SH3KBP1: variants seen among roughly 807,000 people sequenced by gnomAD.
SH3KBP1 encodes SH3 domain-containing kinase-binding protein 1.
SH3KBP1 carries 8 observed loss-of-function variants against 50.1 expected under a neutral mutation model. The observed-to-expected ratio is 0.16, with a 90% confidence interval of 0.09 to 0.29. SH3KBP1 has a LOEUF of 0.29. Ranked by LOEUF, SH3KBP1 falls within the 10% of genes least tolerant of loss-of-function variation. SH3KBP1 has a pLI of 1.00. For missense variants in SH3KBP1, 377 were observed against 535.2 expected, an observed-to-expected ratio of 0.70 and a Z score of 2.92; for synonymous variants, 227 against 218.6, an observed-to-expected ratio of 1.04 and a Z score of -0.34.
chrX:19,648,471 G>C (rs1213737048), intron 6 of SH3KBP1, among the ~76,000 whole-genome samples: 3 of 107,342 alleles, frequency 2.8e-5, no homozygotes, highest in Non-Finnish European at 5.8e-5. Flanking sequence ...AAGGAGGGAG[G>C]GAAGGAAGGA....
At chrX:19,730,208 T>TA (rs1327409129) in intron 3 of SH3KBP1, among the ~76,000 whole-genome samples, 2 of 110,956 alleles carry the variant, frequency 1.8e-5, no homozygotes, top group Non-Finnish European at 3.8e-5. Flanking sequence ...AAACAATATT[T>TA]AAAAAAAATA....
intron 2 of SH3KBP1, among the ~76,000 whole-genome samples, chrX:19,793,313 A>AAAAAATATAT (rs1418807395): frequency 9.3e-5 from 9 of 96,985 alleles, no homozygotes; most frequent in African/African-American, 3.5e-4. Context: ...AGGAAAAAAA[A>AAAAAATATAT]ATATATATAT....
chrX:19,748,108 G>A (rs755745796), intron 2 of SH3KBP1, among the ~76,000 whole-genome samples: 16 of 112,151 alleles, frequency 1.4e-4, no homozygotes, highest in African/African-American at 4.9e-4. Flanking sequence ...GCTTCTTTGG[G>A]GGAAGAACAG....
chrX:19,799,953 G>C (rs1377548357), intron 2 of SH3KBP1, among the ~76,000 whole-genome samples: 1 of 111,788 alleles, frequency 8.9e-6, no homozygotes, highest in African/African-American at 3.3e-5. Flanking sequence ...GTATGACTGA[G>C]GAGGAGGAAG....
At chrX:19,789,725 G>T (rs890941975) in intron 2 of SH3KBP1, among the ~76,000 whole-genome samples, 2 of 108,667 alleles carry the variant, frequency 1.8e-5, no homozygotes, top group African/African-American at 6.7e-5. Context: ...GGTACAGGGG[G>T]GTTAGGGACA....
intron 1 of SH3KBP1, among the ~76,000 whole-genome samples, chrX:19,884,327 T>C (rs756044087): frequency 1.8e-5 from 2 of 112,422 alleles, no homozygotes; most frequent in Non-Finnish European, 3.8e-5. Flanking sequence ...TCAACAAACA[T>C]TGGATGGATG....
chrX:19,629,648 G>A (rs2061532718), intron 8 of SH3KBP1, among the ~76,000 whole-genome samples: 1 of 111,868 alleles, frequency 8.9e-6, no homozygotes, highest in South Asian at 3.7e-4. Flanking sequence ...AAGGCTTGTG[G>A]GTGGGAGCAG....
At chrX:19,863,221 A>G (rs1356057396) in intron 1 of SH3KBP1, among the ~76,000 whole-genome samples, 6 of 111,321 alleles carry the variant, frequency 5.4e-5, no homozygotes, top group Non-Finnish European at 1.1e-4. Context: ...TTAAAGAGAC[A>G]GGGTCTTGCT....
At chrX:19,590,566 G>A (rs2066712517) in intron 11 of SH3KBP1, among the ~76,000 whole-genome samples, 1 of 110,734 alleles carries the variant, frequency 9.0e-6, no homozygotes, top group African/African-American at 3.3e-5. Context: ...TCCCCATCAC[G>A]GAGCCTGGCT....
chrX:19,668,975 T>TATATATATATATATA (rs1569405153), intron 6 of SH3KBP1, among the ~76,000 whole-genome samples: 11 of 66,591 alleles, frequency 1.7e-4, no homozygotes, highest in Non-Finnish European at 2.2e-4. Flanking sequence ...TATATATATA[T>TATATATATATATATA]TTTTTGAGAC....
intron 13 of SH3KBP1, 24 bp downstream of exon 13, chrX:19,569,079 A>G: frequency 5.1e-6 from 6 of 1,173,139 alleles, no homozygotes; most frequent in Non-Finnish European, 7.0e-6. Context: ...TGCAAAGAGA[A>G]GCGAGAACAC....
intron 3 of SH3KBP1, among the ~76,000 whole-genome samples, chrX:19,718,575 C>T (rs2063974288): frequency 8.9e-6 from 1 of 112,492 alleles, no homozygotes. Flanking sequence ...TTAAAAACAT[C>T]ACAGTCACCT....
At chrX:19,618,332 C>T (rs759469746) in intron 8 of SH3KBP1, among the ~76,000 whole-genome samples, 7 of 95,481 alleles carry the variant, frequency 7.3e-5, no homozygotes, top group African/African-American at 2.5e-4. Flanking sequence ...TGCAGTGAGC[C>T]GAGATTTTGC....
chrX:19,680,076 T>C (rs1048662494), intron 6 of SH3KBP1, among the ~76,000 whole-genome samples: 1 of 111,437 alleles, frequency 9.0e-6, no homozygotes, highest in East Asian at 2.8e-4. Context: ...AAGTGGATCT[T>C]AATATTTCAC....
At chrX:19,835,189 T>A (rs1014893439) in intron 2 of SH3KBP1, among the ~76,000 whole-genome samples, 10 of 112,360 alleles carry the variant, frequency 8.9e-5, no homozygotes, top group African/African-American at 3.2e-4. Context: ...CAGGGAGTGC[T>A]CTGGCATGAT....
chrX:19,549,911 T>C, intron 14 of SH3KBP1, 63 bp downstream of exon 14: 2 of 865,083 alleles, frequency 2.3e-6, no homozygotes, highest in Non-Finnish European at 3.3e-6. Context: ...CTAGAGTTTC[T>C]AATCTGTCCT....
chrX:19,704,435 C>T (rs1004100816), intron 4 of SH3KBP1, among the ~76,000 whole-genome samples: 1 of 112,527 alleles, frequency 8.9e-6, no homozygotes, highest in Non-Finnish European at 1.9e-5. Flanking sequence ...TTTCTTAATG[C>T]ATTATTACAA....
rs5909127 is a variant in SH3KBP1, at chrX:19,629,718, T to C, written c.897+2146A>G. On this transcript the variant is annotated intron_variant, in intron 8 of 17. Transcript: ENST00000397821. Reference sequence around the variant, plus strand: ...ATATGAGAACTCTAGGCCTGAGGAGTTGGATCAATGTGAAAGTCAGGTCAA... The same window carrying C: ...ATATGAGAACTCTAGGCCTGAGGAGCTGGATCAATGTGAAAGTCAGGTCAA... Among the ~76,000 whole-genome samples the C allele has an allele frequency of 2.4e-3, 268 of 111,113 alleles. 1 individual carries two copies. Among genetic ancestry groups the C allele is most frequent in the Non-Finnish European group, 4.4e-3 (233 of 52,826 alleles).
At chrX:19,536,729 G>A (rs773812970) in intron 17 of SH3KBP1, among the ~76,000 whole-genome samples, 2 of 112,126 alleles carry the variant, frequency 1.8e-5, no homozygotes, top group Non-Finnish European at 3.8e-5. Flanking sequence ...AATAATTCCA[G>A]TTTCTTAGCC....
Sources: allele counts gnomAD v4.1 joint callset (sites outside exome capture counted in the v4.1 genomes callset), GRCh38; gene constraint gnomAD v4.1.1; transcripts MANE v1.5; gene names NCBI Gene and HGNC (gene_info 2026-07-23, HGNC 2026-07-21).